MLLT3: variants seen among roughly 807,000 people sequenced by gnomAD.
MLLT3 encodes the protein MLLT3 super elongation complex subunit, also known as protein AF-9.
Under a neutral mutation model 53.2 loss-of-function variants are expected in MLLT3, and 4 were observed. The observed-to-expected ratio is 0.08, with a 90% confidence interval of 0.04 to 0.17. The LOEUF (loss-of-function observed/expected upper bound fraction) is 0.17. MLLT3 is among the 10% of genes least tolerant of loss of function. The pLI is 1.00. For synonymous variants in MLLT3, 283 were observed against 230.6 expected, an observed-to-expected ratio of 1.23 and a Z score of -2.06; for missense variants, 569 against 684.0, an observed-to-expected ratio of 0.83 and a Z score of 1.87.
intron 2 of MLLT3, among the ~76,000 whole-genome samples, chr9:20,558,439 C>A (rs965090483): frequency 6.6e-6 from 1 of 152,102 alleles, no homozygotes; most frequent in Admixed American, 6.6e-5. Context: ...CTGCACCCAA[C>A]CAGGAAGCAT....
intron 2 of MLLT3, among the ~76,000 whole-genome samples, chr9:20,476,678 C>T (rs1461953571): frequency 6.6e-6 from 1 of 152,030 alleles, no homozygotes; most frequent in Non-Finnish European, 1.5e-5. Context: ...AACCAACCTT[C>T]TAAGGATTTA....
chr9:20,433,828 G>A (rs1823336321), intron 4 of MLLT3, among the ~76,000 whole-genome samples: 1 of 151,902 alleles, frequency 6.6e-6, no homozygotes, highest in East Asian at 1.9e-4. Context: ...CAAAATAAAG[G>A]ACAGGGCCAG....
intron 5 of MLLT3, among the ~76,000 whole-genome samples, chr9:20,401,417 C>G (rs149494535): frequency 9.2e-4 from 140 of 152,246 alleles, no homozygotes; most frequent in African/African-American, 2.9e-3. Context: ...CCACCTGGCA[C>G]TAATGTATAC....
Position 20,414,264 on chromosome 9 carries a change from T to G in MLLT3, c.582A>C (p.Ser194=), listed in dbSNP as rs1437371602. The G allele has an allele frequency of 1.9e-6, 3 of 1,611,476 alleles. No homozygotes were observed. Among genetic ancestry groups the G allele is most frequent in the African/African-American group, 1.3e-5 (1 of 74,794 alleles). The change falls in exon 5 of 11, where the codon TCA becomes TCC. Residue 194 remains serine, a synonymous_variant. Coordinates refer to ENST00000380338, the MANE Select transcript of MLLT3 (RefSeq NM_004529.4). ...SSSSSSSTSF[S]KPHKLMKEHK... ...GCTCCTTCATTAATTTGTGAGGCTT[T>G]GAAAAACTGGTACTACTGCTGCTGC...
chr9:20,472,321 A>T (rs1454538324), intron 2 of MLLT3, among the ~76,000 whole-genome samples: 1 of 152,102 alleles, frequency 6.6e-6, no homozygotes, highest in Non-Finnish European at 1.5e-5. Context: ...CCTCAATGCC[A>T]CTGCCATCAC....
chr9:20,546,932 C>T (rs1400192404), intron 2 of MLLT3, among the ~76,000 whole-genome samples: 1 of 152,160 alleles, frequency 6.6e-6, no homozygotes, highest in Non-Finnish European at 1.5e-5. Context: ...AGCCTGCTGC[C>T]ATTGGCCTGT....
chr9:20,366,087 A>G (rs184253655), intron 5 of MLLT3, among the ~76,000 whole-genome samples: 60 of 152,296 alleles, frequency 3.9e-4, no homozygotes, highest in African/African-American at 1.3e-3. Context: ...TTTGGGATAC[A>G]TGGGCAGAAC....
At chr9:20,387,871 A>G (rs959740380) in intron 5 of MLLT3, among the ~76,000 whole-genome samples, 7 of 152,220 alleles carry the variant, frequency 4.6e-5, no homozygotes, top group African/African-American at 1.4e-4. Context: ...AAATTCAGGT[A>G]TTTTAAATGG....
intron 5 of MLLT3, chr9:20,411,883 G>A (rs1027773570): frequency 6.6e-6 from 1 of 152,046 alleles, no homozygotes; most frequent in Non-Finnish European, 1.5e-5. Context: ...AACGCCATTT[G>A]GTCTTCTCAT....
rs145766988 is a variant in MLLT3 at position 20,371,358 on chromosome 9, T to C, written c.1126-5614A>G. Among the ~76,000 whole-genome samples the C allele has an allele frequency of 2.6e-3, 396 of 152,342 alleles. 10 individuals carry two copies. Among genetic ancestry groups the C allele is most frequent in the Admixed American group, 0.024 (372 of 15,302 alleles). On this transcript the variant is annotated intron_variant, in intron 5 of 10. Coordinates refer to ENST00000380338, the MANE Select transcript of MLLT3 (RefSeq NM_004529.4). ...AGCCTTCTACTGGAACAAGATGCCATCTAGAGCTTTCATAGCTAGAGAGAA... is the reference window on the plus strand; with the variant it reads ...AGCCTTCTACTGGAACAAGATGCCACCTAGAGCTTTCATAGCTAGAGAGAA...
intron 3 of MLLT3, among the ~76,000 whole-genome samples, chr9:20,450,417 C>T (rs950059791): frequency 6.6e-6 from 1 of 152,160 alleles, no homozygotes; most frequent in African/African-American, 2.4e-5. Flanking sequence ...TTTAATGGTT[C>T]ATCATTTTCT....
chr9:20,533,178 C>A, intron 2 of MLLT3: 1 of 284,372 alleles, frequency 3.5e-6, no homozygotes, highest in Non-Finnish European at 6.9e-6. Context: ...CACAGGTTAA[C>A]TTGGAAGGCA....
chr9:20,621,636 G>A lies in MLLT3; in HGVS notation c.12+609C>T. 2 of 809,630 alleles carry A rather than the reference G, an allele frequency of 2.5e-6. No individual in the cohort carries two copies. Among genetic ancestry groups the A allele is most frequent in the Admixed American group, 3.7e-5 (1 of 27,286 alleles). The allele number at this position is 809,630 out of a possible 1,614,324, so 50.2% of individuals were successfully genotyped here. A position where few individuals can be genotyped will look rare whatever the true frequency, so the allele number is the denominator to read the frequency against. On this transcript the variant is annotated intron_variant, in intron 1 of 10. Transcript: ENST00000380338. This position sits in a 1 kb window ranked among gnomAD's most constrained non-coding sequence, Gnocchi z 7.0. ...CCCCCAAAAAATGAAATTCAGAAAG[G>A]CAGGGCGGCGGGCGGACAGCCGCCG... is the stretch of plus-strand genomic sequence containing the variant.
intron 2 of MLLT3, among the ~76,000 whole-genome samples, chr9:20,459,294 T>C (rs1343104913): frequency 6.6e-6 from 1 of 152,204 alleles, no homozygotes; most frequent in African/African-American, 2.4e-5. Context: ...TAAGTTTCTC[T>C]AATAGAAAAA....
At chr9:20,603,099 C>G (rs1184843107) in intron 2 of MLLT3, among the ~76,000 whole-genome samples, 1 of 152,082 alleles carries the variant, frequency 6.6e-6, no homozygotes, top group Non-Finnish European at 1.5e-5. Context: ...TTCTCACTTT[C>G]TCTTTACCAT....
chr9:20,463,408 T>C (rs1824161182), intron 2 of MLLT3, among the ~76,000 whole-genome samples: 1 of 152,096 alleles, frequency 6.6e-6, no homozygotes, highest in South Asian at 2.1e-4. Context: ...TGAGGGAATA[T>C]AACAGCTATG....
At chr9:20,484,393 A>G (rs1351559349) in intron 2 of MLLT3, among the ~76,000 whole-genome samples, 1 of 152,074 alleles carries the variant, frequency 6.6e-6, no homozygotes, top group Non-Finnish European at 1.5e-5. Flanking sequence ...TCATTACTAC[A>G]CTGCTGTAGT....
At chr9:20,514,504 T>C (rs1048397957) in intron 2 of MLLT3, among the ~76,000 whole-genome samples, 1 of 151,922 alleles carries the variant, frequency 6.6e-6, no homozygotes, top group Non-Finnish European at 1.5e-5. Flanking sequence ...TAGGGGTTTT[T>C]ATTATTTTTT....
In MLLT3 at chr9:20,596,881, G is replaced by A. The variant is rs1246253581; in HGVS notation, c.193+23773C>T. ...TGTATGTAACCTGAAGCAATTTGGG[G>A]GAGTATTGCCATCGTAATATTAAGT... On this transcript the variant is annotated intron_variant, in intron 2 of 10. Coordinates refer to ENST00000380338, the MANE Select transcript of MLLT3 (RefSeq NM_004529.4). Among the ~76,000 whole-genome samples, 5 of 152,148 alleles carry A rather than the reference G, an allele frequency of 3.3e-5. No individual in the cohort carries two copies. In the East Asian group the frequency reaches 9.7e-4, roughly 29 times the overall value.
Sources: gnomAD v4.1 joint callset for allele counts (sites outside exome capture counted in the v4.1 genomes callset) on GRCh38, gnomAD v4.1.1 for gene constraint, Gnocchi (gnomAD v3.1) non-coding constraint, MANE v1.5 for transcripts, NCBI Gene and HGNC (gene_info 2026-07-23, HGNC 2026-07-21) for gene names.